SHROOM3: variants seen among roughly 807,000 people sequenced by gnomAD.
SHROOM3 encodes protein Shroom3.
In SHROOM3, 47 loss-of-function variants were observed where a neutral mutation model predicts 138.6. The observed-to-expected ratio is 0.34, with a 90% CI of 0.27 to 0.43. SHROOM3 has a LOEUF of 0.43. Ranked by LOEUF, SHROOM3 falls within the 20% of genes least tolerant of loss-of-function variation. The pLI is 1.00. For synonymous variants in SHROOM3, 1,062 were observed against 1,063.3 expected (o/e 1.00, Z 0.02); for missense variants, 2,491 against 2,596.5 (o/e 0.96, Z 0.88).
At chr4:76,626,356 T>C (rs73828200) in intron 2 of SHROOM3, among the ~76,000 whole-genome samples, 10,433 of 152,244 alleles carry the variant, frequency 0.069, 1,183 homozygotes, top group African/African-American at 0.23. Flanking sequence ...ATAAGACAAG[T>C]TGAGTTTCAC....
intron 8 of SHROOM3, chr4:76,757,139 AATAATT>A (rs1477822727): frequency 1.3e-5 from 8 of 638,178 alleles, no homozygotes; most frequent in Non-Finnish European, 1.9e-5. Flanking sequence ...AAGTAATAGT[AATAATT>A]ATAATAATTG....
At chr4:76,436,271 T>C in intron 1 of SHROOM3, 51 bp downstream of exon 1, 1 of 1,602,586 alleles carries the variant, frequency 6.2e-7, no homozygotes, top group African/African-American at 1.3e-5. Flanking sequence ...TTTTTCAACT[T>C]GTCAGATTTG....
chr4:76,575,395 A>G (rs1043909922), intron 2 of SHROOM3, among the ~76,000 whole-genome samples: 13 of 152,312 alleles, frequency 8.5e-5, no homozygotes, highest in African/African-American at 3.1e-4. Context: ...CCAAACTGAA[A>G]AGGAAGAAAG....
chr4:76,505,766 T>A (rs1732196780), intron 1 of SHROOM3, among the ~76,000 whole-genome samples: 1 of 150,688 alleles, frequency 6.6e-6, no homozygotes, highest in African/African-American at 2.4e-5. Context: ...GCTCAAATAA[T>A]CCTCCCACCT....
chr4:76,685,968 T>G (rs1719324191), intron 2 of SHROOM3, among the ~76,000 whole-genome samples: 1 of 151,982 alleles, frequency 6.6e-6, no homozygotes, highest in Non-Finnish European at 1.5e-5. Context: ...CGAGACTCCA[T>G]CTCAAAATAA....
At chr4:76,689,587 G>T (rs1719449699) in intron 2 of SHROOM3, 1 of 985,082 alleles carries the variant, frequency 1.0e-6, no homozygotes, top group South Asian at 4.7e-5. Context: ...GAGCGCGTTG[G>T]GCCCCGCCGG....
intron 5 of SHROOM3, among the ~76,000 whole-genome samples, chr4:76,747,093 C>T (rs1245901517): frequency 1.3e-5 from 2 of 152,116 alleles, no homozygotes; most frequent in African/African-American, 4.8e-5. Context: ...GCTGGGATCA[C>T]AGGCGTGAGC....
chr4:76,459,537 G>A (rs553725037), intron 1 of SHROOM3, among the ~76,000 whole-genome samples: 2 of 152,114 alleles, frequency 1.3e-5, no homozygotes, highest in African/African-American at 4.8e-5. Flanking sequence ...CCTCATTCAC[G>A]AAACAGGATC....
chr4:76,478,505 C>A (rs1271244689), intron 1 of SHROOM3, among the ~76,000 whole-genome samples: 1 of 152,258 alleles, frequency 6.6e-6, no homozygotes, highest in Non-Finnish European at 1.5e-5. Context: ...AAACTCCCAT[C>A]TCCCTGGGAC....
intron 1 of SHROOM3, among the ~76,000 whole-genome samples, chr4:76,479,719 G>A (rs964129044): frequency 6.6e-6 from 1 of 152,096 alleles, no homozygotes; most frequent in Admixed American, 6.6e-5. Flanking sequence ...ATACGTTAAG[G>A]GCAGCCAGAA....
At position 76,740,927 on chromosome 4, in the gene SHROOM3, C is replaced by T. The variant is rs1020429639; in HGVS notation, c.2754C>T (p.Ala918=). 4.7e-6 allele frequency: 7 copies of T among 1,497,830 alleles called. No homozygotes were observed. The highest frequency in any genetic ancestry group is 5.3e-6 in the Non-Finnish European group (6 of 1,126,860). 92.8% of individuals were successfully genotyped at this position (1,497,830 alleles called of 1,614,324 possible). A position where few individuals can be genotyped will look rare whatever the true frequency, so the allele number is the denominator to read the frequency against. The change falls in exon 5 of 11, where the codon GCC becomes GCT. Residue 918 remains alanine, a synonymous_variant. Coordinates refer to ENST00000296043, the MANE Select transcript of SHROOM3 (RefSeq NM_020859.4). This position sits in a 1 kb window ranked among gnomAD's most constrained non-coding sequence, Gnocchi z 4.0. ...PGSPESPLLD[A]PFSRAYRNSI... The stretch of plus-strand genomic sequence containing the variant: ...CGCCCGAATCGCCCCTGCTGGATGC[C>T]CCCTTCAGCCGCGCCTACCGGAACA...
intron 2 of SHROOM3, among the ~76,000 whole-genome samples, chr4:76,683,459 C>T (rs1262455844): frequency 1.3e-5 from 2 of 152,090 alleles, no homozygotes; most frequent in Non-Finnish European, 2.9e-5. Context: ...TACCCTCCAG[C>T]GAATTTCCCT....
intron 3 of SHROOM3, among the ~76,000 whole-genome samples, chr4:76,720,864 C>T (rs1314883079): frequency 6.6e-6 from 1 of 151,830 alleles, no homozygotes; most frequent in East Asian, 2.0e-4. Flanking sequence ...CCCACCTCGG[C>T]CTCCCAAAGT....
At chr4:76,550,244 C>A (rs1733321613) in intron 1 of SHROOM3, among the ~76,000 whole-genome samples, 1 of 152,098 alleles carries the variant, frequency 6.6e-6, no homozygotes, top group South Asian at 2.1e-4. Context: ...ATTTTCCCAG[C>A]CCTAGAATTA....
rs777345120 is a variant in SHROOM3, at chr4:76,730,903, C to T, written c.555C>T (p.Ile185=). ...ASMMQISQGM[I]GPPWHQSYHS... ...TGATGCAGATATCTCAGGGTATGAT[C>T]GGCCCTCCTTGGCACCAAAGCTACC... is the stretch of plus-strand genomic sequence containing the variant. The change falls in exon 4 of 11, where the codon ATC becomes ATT. Residue 185 remains isoleucine, a synonymous_variant. Transcript: ENST00000296043. 31 of 1,614,094 alleles carry T rather than the reference C, an allele frequency of 1.9e-5. No homozygotes were observed. The highest frequency in any genetic ancestry group is 2.5e-5 in the Non-Finnish European group (29 of 1,180,018).
At chr4:76,670,288 A>C (rs1316621520) in intron 2 of SHROOM3, among the ~76,000 whole-genome samples, 1 of 152,364 alleles carries the variant, frequency 6.6e-6, no homozygotes, top group East Asian at 1.9e-4. Flanking sequence ...GAAACATGCT[A>C]CAACACAGAC....
intron 2 of SHROOM3, among the ~76,000 whole-genome samples, chr4:76,569,939 C>A (rs1343776342): frequency 6.6e-6 from 1 of 152,062 alleles, no homozygotes; most frequent in Non-Finnish European, 1.5e-5. Flanking sequence ...CCTCATTGGC[C>A]CATGTAAGAG....
chr4:76,674,947 G>GTC (rs1302478838), intron 2 of SHROOM3, among the ~76,000 whole-genome samples: 3 of 152,092 alleles, frequency 2.0e-5, no homozygotes, highest in Non-Finnish European at 4.4e-5. Flanking sequence ...CTAGTCTCTG[G>GTC]TCTTAGGGTT....
At chr4:76,620,332 G>A (rs1178432063) in intron 2 of SHROOM3, among the ~76,000 whole-genome samples, 1 of 152,046 alleles carries the variant, frequency 6.6e-6, no homozygotes, top group Non-Finnish European at 1.5e-5. Context: ...GCCAAGGAGA[G>A]CATCCAAAGA....
Sources: gnomAD v4.1 joint callset for allele counts (sites outside exome capture counted in the v4.1 genomes callset) on GRCh38, gnomAD v4.1.1 for gene constraint, Gnocchi (gnomAD v3.1) non-coding constraint, MANE v1.5 for transcripts, NCBI Gene and HGNC (gene_info 2026-07-23, HGNC 2026-07-21) for gene names.